The following FBXO22 variants were observed in gnomAD, a reference collection of about 807,000 sequenced individuals.
FBXO22 encodes F-box protein 22.
Under a neutral mutation model 37.2 loss-of-function variants are expected in FBXO22, and 13 were observed. That is an observed-to-expected ratio of 0.35 (90% CI 0.23 to 0.56). The LOEUF (loss-of-function observed/expected upper bound fraction) is 0.56, where lower values mean the gene tolerates loss of function less well. Ranked by LOEUF, FBXO22 falls within the 20% of genes least tolerant of loss-of-function variation. FBXO22 has a pLI of 0.87. For synonymous variants in FBXO22, 189 were observed against 189.1 expected, an observed-to-expected ratio of 1.00 and a Z score of 0.00; for missense variants, 446 against 509.9, an observed-to-expected ratio of 0.87 and a Z score of 1.21.
intron 5 of FBXO22, among the ~76,000 whole-genome samples, chr15:75,929,130 C>A (rs971916639): frequency 2.0e-5 from 3 of 151,984 alleles, no homozygotes; most frequent in African/African-American, 7.2e-5. Context: ...AGAGTCTGTT[C>A]TTTTTCTCTT....
chr15:75,912,813 A>C lies in FBXO22; in HGVS notation c.280-390A>C, dbSNP rs148322195. On this transcript the variant is annotated intron_variant, in intron 2 of 6. Coordinates refer to ENST00000308275, the MANE Select transcript of FBXO22 (RefSeq NM_147188.3). The stretch of plus-strand genomic sequence containing the variant: ...ATTTCTTGCCTTCTGCTAGCTTTTG[A>C]ATTTGTTTGCTCTTGCTTCTCTAGT... Among the ~76,000 whole-genome samples the C allele has an allele frequency of 9.2e-4, 140 of 151,990 alleles. 1 individual carries two copies. The highest frequency in any genetic ancestry group is 2.9e-3 in the African/African-American group (121 of 41,432).
intron 2 of FBXO22, among the ~76,000 whole-genome samples, chr15:75,911,805 A>G (rs1049572020): frequency 1.3e-5 from 2 of 150,730 alleles, no homozygotes; most frequent in African/African-American, 4.9e-5. Context: ...ACTATGTTGA[A>G]TAGGAATGGT....
intron 2 of FBXO22, among the ~76,000 whole-genome samples, chr15:75,912,109 C>G (rs1193239613): frequency 6.6e-6 from 1 of 151,664 alleles, no homozygotes; most frequent in Non-Finnish European, 1.5e-5. Context: ...GCCTTGCATC[C>G]CAGGGGTGAA....
At chr15:75,927,827 T>C (rs930200857) in intron 5 of FBXO22, among the ~76,000 whole-genome samples, 5 of 152,204 alleles carry the variant, frequency 3.3e-5, no homozygotes, top group Non-Finnish European at 7.3e-5. Flanking sequence ...CTTTGTTTCC[T>C]TAAGTAACTC....
chr15:75,924,501 C>T (rs1454921625), intron 5 of FBXO22, among the ~76,000 whole-genome samples: 5 of 152,166 alleles, frequency 3.3e-5, no homozygotes, highest in African/African-American at 1.2e-4. Flanking sequence ...GTTGCTTATT[C>T]TCCTCCACCT....
In FBXO22 at chr15:75,903,905, C is replaced by G. The variant is rs78630828; in HGVS notation, c.-59C>G. ...TGCGCGCCGGCCGGGCAACCCTATG[C>G]TGGCGTAATCGGGTTCCTCCGAGCC... On this transcript the variant is annotated 5_prime_UTR_variant, in exon 1 of 7. Transcript: ENST00000308275. The G allele has an allele frequency of 9.2e-4, 1,317 of 1,436,912 alleles. 12 individuals carry two copies. In the African/African-American group the frequency reaches 0.017, roughly 19 times the overall value. 89.0% of individuals were successfully genotyped at this position (1,436,912 alleles called of 1,614,324 possible).
Position 75,904,646 on chromosome 15 carries a change from G to A in FBXO22, c.279+17G>A. 1.3e-6 allele frequency: 2 copies of A among 1,571,762 alleles called. No homozygotes were observed. Among genetic ancestry groups the A allele is most frequent in the South Asian group, 2.3e-5 (2 of 87,850 alleles). The stretch of plus-strand genomic sequence containing the variant: ...GAGCTTGAGGCAAGTAGCAAGGGGT[G>A]TCATGCACAGTCATTTGCAGGTTGG... On this transcript the variant is annotated intron_variant, in intron 2 of 6. Coordinates refer to ENST00000308275, the MANE Select transcript of FBXO22 (RefSeq NM_147188.3).
chr15:75,906,031 C>G (rs1306236455), intron 2 of FBXO22, among the ~76,000 whole-genome samples: 3 of 152,112 alleles, frequency 2.0e-5, no homozygotes, highest in Non-Finnish European at 2.9e-5. Context: ...CTCTCGGAGT[C>G]TTATTTAATT....
rs1231563738 is a variant in FBXO22, at chr15:75,904,100, C to G, written c.137C>G (p.Ala46Gly). 8 of 1,542,186 alleles carry G rather than the reference C, an allele frequency of 5.2e-6. No individual in the cohort carries two copies. The highest frequency in any genetic ancestry group is 7.0e-6 in the Non-Finnish European group (8 of 1,141,974). ...FLPAKALLRV[A>G]CVCRLWRECV... ...CCCGCCAAGGCGTTGCTGCGGGTGG[C>G]CTGGTGAGGAGAGGAGGCGGAGGCG... is the stretch of plus-strand genomic sequence containing the variant. The change falls in exon 1 of 7, where the codon GCC becomes GGC. Residue 46 changes from alanine to glycine, a missense_variant. Ala to Gly is a moderately conservative substitution (Grantham distance 60, BLOSUM62 0). Around this residue, in one of 2 missense-constraint regions of FBXO22, gnomAD observed 131 missense variants for 99.8 expected, o/e 1.31. Coordinates refer to ENST00000308275, the MANE Select transcript of FBXO22 (RefSeq NM_147188.3).
intron 5 of FBXO22, among the ~76,000 whole-genome samples, chr15:75,926,654 C>G (rs113692448): frequency 6.6e-6 from 1 of 152,044 alleles, no homozygotes; most frequent in Non-Finnish European, 1.5e-5. Context: ...AGGGCGTATC[C>G]GGGAAAAACA....
chr15:75,923,948 G>A (rs777819796), intron 5 of FBXO22, among the ~76,000 whole-genome samples: 1 of 152,112 alleles, frequency 6.6e-6, no homozygotes, highest in African/African-American at 2.4e-5. Flanking sequence ...TTGAGAATGA[G>A]GGAGGTGACA....
chr15:75,904,644 G>T lies in FBXO22; in HGVS notation c.279+15G>T, dbSNP rs753213331. 2 of 1,595,746 alleles carry T rather than the reference G, an allele frequency of 1.3e-6. No individual in the cohort carries two copies. The highest frequency in any genetic ancestry group is 2.3e-5 in the East Asian group (1 of 44,364). On this transcript the variant is annotated intron_variant, in intron 2 of 6. Coordinates refer to ENST00000308275, the MANE Select transcript of FBXO22 (RefSeq NM_147188.3). ...AGGAGCTTGAGGCAAGTAGCAAGGG[G>T]TGTCATGCACAGTCATTTGCAGGTT...
chr15:75,911,754 A>AT (rs1595911848), intron 2 of FBXO22, among the ~76,000 whole-genome samples: 1 of 151,332 alleles, frequency 6.6e-6, no homozygotes, highest in East Asian at 1.9e-4. Flanking sequence ...AATATGCTTT[A>AT]TTCTTTCTCT....
rs897643356 is a variant in FBXO22, at chr15:75,936,949, G to A, written c.*3847G>A. 6.6e-6 allele frequency: 1 copy of A among 152,098 alleles called. No homozygotes were observed. The highest frequency in any genetic ancestry group is 1.5e-5 in the Non-Finnish European group (1 of 68,010). The allele number at this position is 152,098 out of a possible 1,614,324, so 9.4% of individuals were successfully genotyped here. A position where few individuals can be genotyped will look rare whatever the true frequency, so the allele number is the denominator to read the frequency against. ...ACTGTTAGCCAGTAAAAACAGGGAA[G>A]ATTGATTAATTTAGAAGAAATTGAA... On this transcript the variant is annotated 3_prime_UTR_variant, in exon 7 of 7. Transcript: ENST00000308275.
chr15:75,921,639 C>T (rs369304460), intron 5 of FBXO22, among the ~76,000 whole-genome samples: 5,432 of 25,704 alleles, frequency 0.21, 171 homozygotes, highest in Non-Finnish European at 0.47. Context: ...CCAGCCTGGG[C>T]GACAGCGAGA....
chr15:75,903,924 C>G lies in FBXO22; in HGVS notation c.-40C>G, dbSNP rs1899852607. Reference sequence around the variant, plus strand: ...CCTATGCTGGCGTAATCGGGTTCCTCCGAGCCGCCGTAGGACTGGTTCCGG... The same window carrying G: ...CCTATGCTGGCGTAATCGGGTTCCTGCGAGCCGCCGTAGGACTGGTTCCGG... On this transcript the variant is annotated 5_prime_UTR_variant, in exon 1 of 7. Coordinates refer to ENST00000308275, the MANE Select transcript of FBXO22 (RefSeq NM_147188.3). The G allele has an allele frequency of 2.7e-6, 4 of 1,469,940 alleles. No individual in the cohort carries two copies. The African/African-American group carries it at 4.2e-5, about 15-fold the overall frequency. The allele number at this position is 1,469,940 out of a possible 1,614,324, so 91.1% of individuals were successfully genotyped here.
rs577590833 is a variant in FBXO22, at chr15:75,937,917, C to A, written c.*4815C>A. The A allele has an allele frequency of 6.6e-6, 1 of 152,234 alleles. No individual in the cohort carries two copies. The highest frequency in any genetic ancestry group is 1.9e-4 in the East Asian group (1 of 5,180). The allele number at this position is 152,234 out of a possible 1,614,324, so 9.4% of individuals were successfully genotyped here. On this transcript the variant is annotated 3_prime_UTR_variant, in exon 7 of 7. Transcript: ENST00000308275. ...TGGGTGTAAACATAAAATAGAACAA[C>A]TAAGGCCCAGAGGAGAATCTGGGGT...
intron 2 of FBXO22, among the ~76,000 whole-genome samples, chr15:75,907,487 C>T (rs1413189495): frequency 1.3e-5 from 2 of 152,238 alleles, no homozygotes; most frequent in East Asian, 3.9e-4. Flanking sequence ...GAGACAAAAA[C>T]ATGAAAACTC....
rs1209085541 is a variant in FBXO22, at chr15:75,935,127, TCCTC to T, written c.*2029_*2032del. Reference sequence around the variant, plus strand: ...GTAGTATTGATAAGAACAAAAGTCATCCTCCCTGCCTCTCAGAGGCCCTGAAGTC... The same window carrying T: ...GTAGTATTGATAAGAACAAAAGTCATCCTGCCTCTCAGAGGCCCTGAAGTC... On this transcript the variant is annotated 3_prime_UTR_variant, in exon 7 of 7. Transcript: ENST00000308275. 2 of 152,142 alleles carry T rather than the reference TCCTC, an allele frequency of 1.3e-5. No individual in the cohort carries two copies. Among genetic ancestry groups the T allele is most frequent in the African/African-American group, 2.4e-5 (1 of 41,424 alleles). The allele number at this position is 152,142 out of a possible 1,614,324, so 9.4% of individuals were successfully genotyped here. A position where few individuals can be genotyped will look rare whatever the true frequency, so the allele number is the denominator to read the frequency against.
Sources: allele counts gnomAD v4.1 joint callset (sites outside exome capture counted in the v4.1 genomes callset), GRCh38; gene constraint gnomAD v4.1.1; regional missense constraint gnomAD v4.1.1; transcripts MANE v1.5; gene names NCBI Gene and HGNC (gene_info 2026-07-23, HGNC 2026-07-21).